Variants in ITGA5 observed in about 807,000 individuals in gnomAD.
ITGA5 encodes the protein integrin subunit alpha 5.
ITGA5 carries 55 observed loss-of-function variants against 146.3 expected under a neutral mutation model. That is an observed-to-expected ratio of 0.38 (90% confidence interval 0.30 to 0.47). The LOEUF (loss-of-function observed/expected upper bound fraction) is 0.47, where lower values mean the gene tolerates loss of function less well. ITGA5 is among the 20% of genes least tolerant of loss of function. The probability of loss-of-function intolerance (pLI) is 0.99; values close to 1 mark genes in which losing one functional copy is unlikely to be tolerated. For missense variants in ITGA5, 1,131 were observed against 1,329.0 expected (o/e 0.85, Z 2.32); for synonymous variants, 500 against 531.8 (o/e 0.94, Z 0.82).
chr12:54,415,817 A>G (rs1337285944), intron 1 of ITGA5, among the ~76,000 whole-genome samples: 1 of 152,110 alleles, frequency 6.6e-6, no homozygotes, highest in African/African-American at 2.4e-5. Context: ...TTCACAAGGG[A>G]TATGTATGAT....
chr12:54,402,617 T>C (rs1565639815), intron 19 of ITGA5, among the ~76,000 whole-genome samples: 1 of 151,916 alleles, frequency 6.6e-6, no homozygotes, highest in Non-Finnish European at 1.5e-5. Flanking sequence ...AGAGAATCGC[T>C]TGAACCTGGG....
At position 54,402,058 on chromosome 12, in the gene ITGA5, C is replaced by T. The variant is rs779479449; in HGVS notation, c.2169G>A (p.Val723=). The change falls in exon 21 of 30, where the codon GTG becomes GTA. Residue 723 remains valine (V), a synonymous_variant. Coordinates refer to ENST00000293379, the MANE Select transcript of ITGA5 (RefSeq NM_002205.5). Reference sequence around the variant, plus strand: ...CACACACCAGCAGGCGGCTCTGGTTCACGGCAAAGTAGTCACAGCTCAGGC... The same window carrying T: ...CACACACCAGCAGGCGGCTCTGGTTTACGGCAAAGTAGTCACAGCTCAGGC... ...FSSLSCDYFA[V]NQSRLLVCDL... 7 of 1,614,058 alleles carry T rather than the reference C, an allele frequency of 4.3e-6. No individual in the cohort carries two copies. Among genetic ancestry groups the T allele is most frequent in the African/African-American group, 1.3e-5 (1 of 74,916 alleles).
Position 54,403,522 on chromosome 12 carries a change from G to T in ITGA5, c.1776+103C>A. 7.2e-7 allele frequency: 1 copy of T among 1,387,948 alleles called. No homozygotes were observed. The highest frequency in any genetic ancestry group is 9.8e-7 in the Non-Finnish European group (1 of 1,020,958). The allele number at this position is 1,387,948 out of a possible 1,614,324, so 86.0% of individuals were successfully genotyped here. On this transcript the variant is annotated intron_variant, in intron 17 of 29. Transcript: ENST00000293379. This position sits in a 1 kb window ranked among gnomAD's most constrained non-coding sequence, Gnocchi z 4.9. The stretch of plus-strand genomic sequence containing the variant: ...TTCTCAGCCCCTACAAGAGTCCCAA[G>T]CCCTTCACTGGAGTCCCCCAGTCTT...
chr12:54,399,254 T>A (rs1035373213), intron 27 of ITGA5, among the ~76,000 whole-genome samples: 5 of 152,202 alleles, frequency 3.3e-5, no homozygotes, highest in African/African-American at 7.2e-5. Context: ...AAAATTTTTT[T>A]AAAATTATTA....
chr12:54,418,207 C>A (rs991136200), intron 1 of ITGA5, among the ~76,000 whole-genome samples: 1 of 152,024 alleles, frequency 6.6e-6, no homozygotes, highest in African/African-American at 2.4e-5. Flanking sequence ...CCGCCCACCC[C>A]CCTTCACGCG....
In ITGA5 at chr12:54,409,761, T is replaced by C. The variant is rs1955917410; in HGVS notation, c.350-164A>G. 1 of 594,866 alleles carries C rather than the reference T, an allele frequency of 1.7e-6. No individual in the cohort carries two copies. The highest frequency in any genetic ancestry group is 3.0e-6 in the Non-Finnish European group (1 of 333,782). The allele number at this position is 594,866 out of a possible 1,614,324, so 36.8% of individuals were successfully genotyped here. A position where few individuals can be genotyped will look rare whatever the true frequency, so the allele number is the denominator to read the frequency against. ...GTAAGGAGCTTAATTCTGCTTTGTGTAGTCTGTTTGTGTAGCCTGACTTAT... is the reference window on the plus strand; with the variant it reads ...GTAAGGAGCTTAATTCTGCTTTGTGCAGTCTGTTTGTGTAGCCTGACTTAT... On this transcript the variant is annotated intron_variant, in intron 2 of 29. Transcript: ENST00000293379. The surrounding 1 kb of genome is among the most constrained non-coding windows in gnomAD (Gnocchi z 4.7).
At chr12:54,398,840 T>C (rs74563132) in intron 27 of ITGA5, 142 bp from the exon 28 acceptor site, 2 of 462,114 alleles carry the variant, frequency 4.3e-6, no homozygotes, top group Non-Finnish European at 3.8e-6. Context: ...TCTCTCTTTT[T>C]TTTTTTTTTT....
intron 1 of ITGA5, among the ~76,000 whole-genome samples, chr12:54,414,379 A>G (rs1333864988): frequency 6.6e-6 from 1 of 152,188 alleles, no homozygotes; most frequent in African/African-American, 2.4e-5. Flanking sequence ...TATTTTCAAT[A>G]TTTCAGAAAG....
At position 54,409,124 on chromosome 12, in the gene ITGA5, T is replaced by C; in HGVS notation, c.583+108A>G. 6.7e-7 allele frequency: 1 copy of C among 1,500,846 alleles called. No homozygotes were observed. The highest frequency in any genetic ancestry group is 9.0e-7 in the Non-Finnish European group (1 of 1,105,796). 93.0% of individuals were successfully genotyped at this position (1,500,846 alleles called of 1,614,324 possible). On this transcript the variant is annotated intron_variant, in intron 4 of 29. Coordinates refer to ENST00000293379, the MANE Select transcript of ITGA5 (RefSeq NM_002205.5). The surrounding 1 kb of genome is among the most constrained non-coding windows in gnomAD (Gnocchi z 4.7). Reference sequence around the variant, plus strand: ...GGGTTAGCCTTTATCTTAAGCAACCTAGAACCTCATGGGGGCACATGGTAG... The same window carrying C: ...GGGTTAGCCTTTATCTTAAGCAACCCAGAACCTCATGGGGGCACATGGTAG...
At chr12:54,400,788 C>G in intron 25 of ITGA5, 58 bp downstream of exon 25, 1 of 1,572,136 alleles carries the variant, frequency 6.4e-7, no homozygotes, top group Non-Finnish European at 8.7e-7. Context: ...TCCCCAACCC[C>G]TCAGCCTTGG....
chr12:54,396,412 A>G (rs767779746), intron 29 of ITGA5, 36 bp from the exon 30 acceptor site: 32 of 1,508,876 alleles, frequency 2.1e-5, no homozygotes, highest in Non-Finnish European at 2.8e-5. Flanking sequence ...TTTAGGTACT[A>G]TGGCTGCCAT....
chr12:54,403,728 C>A lies in ITGA5; in HGVS notation c.1673G>T (p.Arg558Leu). 1 of 1,614,218 alleles carries A rather than the reference C, an allele frequency of 6.2e-7. No individual in the cohort carries two copies. Among genetic ancestry groups the A allele is most frequent in the Non-Finnish European group, 8.5e-7 (1 of 1,180,042 alleles). ...CCTGGAGGCCAGGAACAGTGCCCGC[C>A]GTACCCCTCCCTTCTGCTTCTGCCA... ...LDWQKQKGGV[R>L]RALFLASRQA... Residue 558 changes from arginine (R) to leucine (L), a missense_variant, in exon 17 of 30, where the codon CGG becomes CTG. By Grantham distance (102) the Arg-to-Leu change is moderately radical (BLOSUM62 -2). Around this residue, in one of 3 missense-constraint regions of ITGA5, gnomAD observed 889 missense variants for 1,021.5 expected, o/e 0.87. Transcript: ENST00000293379. The surrounding 1 kb of genome is among the most constrained non-coding windows in gnomAD (Gnocchi z 4.9).
chr12:54,404,572 T>G, intron 13 of ITGA5, 97 bp from the exon 14 acceptor site: 1 of 1,515,464 alleles, frequency 6.6e-7, no homozygotes, highest in Non-Finnish European at 9.2e-7. Context: ...GAGGTTGAAG[T>G]GAGAAGACAG....
Position 54,403,574 on chromosome 12 carries a change from C to G in ITGA5, c.1776+51G>C. 6.4e-7 allele frequency: 1 copy of G among 1,572,622 alleles called. No individual in the cohort carries two copies. On this transcript the variant is annotated intron_variant, in intron 17 of 29. Transcript: ENST00000293379. This position sits in a 1 kb window ranked among gnomAD's most constrained non-coding sequence, Gnocchi z 4.9. ...TTCCCTTCAGGAGGTGCCCTCAGTT[C>G]TGTGTGGCCACCCTCCCTGGCCAGT...
At chr12:54,414,674 G>A (rs1307918313) in intron 1 of ITGA5, among the ~76,000 whole-genome samples, 1 of 150,180 alleles carries the variant, frequency 6.7e-6, no homozygotes, top group Non-Finnish European at 1.5e-5. Context: ...GTGAAACTCC[G>A]TCTCTACTAA....
At position 54,401,361 on chromosome 12, in the gene ITGA5, T is replaced by G. The variant is rs2120489302; in HGVS notation, c.2493+12A>C. The G allele has an allele frequency of 1.9e-6, 3 of 1,581,340 alleles. No individual in the cohort carries two copies. Among genetic ancestry groups the G allele is most frequent in the Non-Finnish European group, 1.7e-6 (2 of 1,150,234 alleles). On this transcript the variant is annotated intron_variant, in intron 24 of 29. Transcript: ENST00000293379. This position sits in a 1 kb window ranked among gnomAD's most constrained non-coding sequence, Gnocchi z 5.0. Reference sequence around the variant, plus strand: ...CCATCATTCATTCTGGCCCTGCCCCTTCCCCCCTTACCTCATAGACATGGT... The same window carrying G: ...CCATCATTCATTCTGGCCCTGCCCCGTCCCCCCTTACCTCATAGACATGGT...
chr12:54,418,871 A>G, intron 1 of ITGA5, 110 bp downstream of exon 1: 3 of 1,308,114 alleles, frequency 2.3e-6, no homozygotes, highest in Non-Finnish European at 3.1e-6. Flanking sequence ...TCTATTCCTT[A>G]CAAACTCCAC....
At chr12:54,411,575 C>A (rs957689159) in intron 2 of ITGA5, among the ~76,000 whole-genome samples, 1 of 152,228 alleles carries the variant, frequency 6.6e-6, no homozygotes, top group Non-Finnish European at 1.5e-5. Flanking sequence ...CCTGGCCTCC[C>A]AGAATTGTGG....
intron 11 of ITGA5, 44 bp downstream of exon 11, chr12:54,405,620 G>T: frequency 6.6e-7 from 1 of 1,523,246 alleles, no homozygotes; most frequent in South Asian, 1.1e-5. Flanking sequence ...CTTCCCTCTT[G>T]GTTCTGGGAG....
Sources: allele counts gnomAD v4.1 joint callset (sites outside exome capture counted in the v4.1 genomes callset), GRCh38; gene constraint gnomAD v4.1.1; regional missense constraint gnomAD v4.1.1; non-coding constraint Gnocchi (gnomAD v3.1); transcripts MANE v1.5; gene names NCBI Gene and HGNC (gene_info 2026-07-23, HGNC 2026-07-21).